Variants in KLHL2 observed in about 807,000 individuals in gnomAD.
The protein encoded by KLHL2 is kelch-like protein 2.
KLHL2 carries 15 observed loss-of-function variants against 75.8 expected under a neutral mutation model. That is an observed-to-expected ratio of 0.20 (90% CI 0.13 to 0.30). The LOEUF is 0.30. Ranked by LOEUF, KLHL2 falls within the 10% of genes least tolerant of loss-of-function variation. The pLI, the probability that KLHL2 is intolerant of heterozygous loss-of-function variation, is 1.00. For synonymous variants in KLHL2, 214 were observed against 251.9 expected, an observed-to-expected ratio of 0.85 and a Z score of 1.42; for missense variants, 381 against 741.0, an observed-to-expected ratio of 0.51 and a Z score of 5.64.
At chr4:165,244,565 A>G (rs190209938) in intron 4 of KLHL2, among the ~76,000 whole-genome samples, 89 of 152,352 alleles carry the variant, frequency 5.8e-4, no homozygotes, top group African/African-American at 2.1e-3. Context: ...AAAATATTTA[A>G]GACACCCTAT....
intron 5 of KLHL2, among the ~76,000 whole-genome samples, chr4:165,291,184 A>G (rs1348805724): frequency 6.6e-6 from 1 of 151,818 alleles, no homozygotes. Flanking sequence ...TGAGTTGTTT[A>G]TTTTCTTCTT....
chr4:165,239,985 C>CTA (rs967356338), intron 4 of KLHL2, among the ~76,000 whole-genome samples: 57 of 149,230 alleles, frequency 3.8e-4, no homozygotes, highest in Non-Finnish European at 5.4e-4. Flanking sequence ...TGTTAATCAG[C>CTA]TATATATATA....
At chr4:165,243,330 A>G (rs938832430) in intron 4 of KLHL2, among the ~76,000 whole-genome samples, 19 of 152,238 alleles carry the variant, frequency 1.2e-4, no homozygotes, top group African/African-American at 4.3e-4. Flanking sequence ...AAGTGTTACA[A>G]ACAAAGGTAA....
chr4:165,260,241 G>C (rs1341308419), intron 4 of KLHL2, among the ~76,000 whole-genome samples: 1 of 152,082 alleles, frequency 6.6e-6, no homozygotes, highest in Admixed American at 6.6e-5. Context: ...AATTTCAAAA[G>C]ATTTACTGAC....
intron 5 of KLHL2, among the ~76,000 whole-genome samples, chr4:165,274,950 T>C (rs1178553139): frequency 5.3e-5 from 8 of 152,152 alleles, no homozygotes; most frequent in Non-Finnish European, 1.0e-4. Context: ...AGCGTGGCAC[T>C]GGCAGTGACA....
intron 5 of KLHL2, among the ~76,000 whole-genome samples, chr4:165,293,749 C>A (rs1392529307): frequency 2.0e-5 from 3 of 150,848 alleles, no homozygotes; most frequent in Admixed American, 2.0e-4. Flanking sequence ...ATCTCCTGAC[C>A]TTGTGATCCG....
At chr4:165,244,738 A>G (rs1313810048) in intron 4 of KLHL2, among the ~76,000 whole-genome samples, 2 of 152,192 alleles carry the variant, frequency 1.3e-5, no homozygotes, top group African/African-American at 4.8e-5. Context: ...TTTAAATGCC[A>G]TGTGACCTTG....
chr4:165,265,555 T>C (rs1197294628), intron 5 of KLHL2, among the ~76,000 whole-genome samples: 2 of 152,096 alleles, frequency 1.3e-5, no homozygotes, highest in Non-Finnish European at 2.9e-5. Context: ...TTTTTATATA[T>C]GGTGAGAGAT....
In KLHL2 at chr4:165,318,047, G is replaced by T. The variant is rs139941562; in HGVS notation, c.1753+78G>T. The T allele has an allele frequency of 5.3e-6, 7 of 1,326,602 alleles. No individual in the cohort carries two copies. In the Admixed American group the frequency reaches 1.5e-4, roughly 28 times the overall value. The allele number at this position is 1,326,602 out of a possible 1,614,324, so 82.2% of individuals were successfully genotyped here. Reference sequence around the variant, plus strand: ...AATGTTATATTAACGAAGTTTTTCTGTTATAAGAATAAAGTCTTTTCTCAA... The same window carrying T: ...AATGTTATATTAACGAAGTTTTTCTTTTATAAGAATAAAGTCTTTTCTCAA... On this transcript the variant is annotated intron_variant, in intron 14 of 14. Coordinates refer to ENST00000226725, the MANE Select transcript of KLHL2 (RefSeq NM_007246.4).
chr4:165,215,213 C>T (rs1376819045), intron 1 of KLHL2, among the ~76,000 whole-genome samples: 2 of 152,146 alleles, frequency 1.3e-5, no homozygotes, highest in African/African-American at 2.4e-5. Flanking sequence ...AAACGTGTTT[C>T]CAACTGAGAA....
At chr4:165,276,802 A>ATT (rs1251561891) in intron 5 of KLHL2, among the ~76,000 whole-genome samples, 10 of 152,156 alleles carry the variant, frequency 6.6e-5, no homozygotes, top group African/African-American at 2.4e-4. Flanking sequence ...CTACTTAGGT[A>ATT]TTTAACTTTT....
intron 3 of KLHL2, among the ~76,000 whole-genome samples, chr4:165,231,242 G>A (rs976391461): frequency 2.6e-5 from 4 of 151,908 alleles, no homozygotes; most frequent in African/African-American, 7.3e-5. Context: ...TTGCTTGAGG[G>A]GTTCAAGACC....
At chr4:165,273,244 T>C (rs1019425257) in intron 5 of KLHL2, among the ~76,000 whole-genome samples, 1 of 152,210 alleles carries the variant, frequency 6.6e-6, no homozygotes, top group Non-Finnish European at 1.5e-5. Flanking sequence ...GTCTACAGCT[T>C]GAGGAATTTT....
In KLHL2 at chr4:165,319,033, A is replaced by G. The variant is rs572740773; in HGVS notation, c.1753+1064A>G. On this transcript the variant is annotated intron_variant, in intron 14 of 14. Coordinates refer to ENST00000226725, the MANE Select transcript of KLHL2 (RefSeq NM_007246.4). This position sits in a 1 kb window ranked among gnomAD's most constrained non-coding sequence, Gnocchi z 4.5. ...ACAAACCATAGATGGTGTCATTCAC[A>G]GTCCAGAGAAATGTGAACAAACCAC... is the stretch of plus-strand genomic sequence containing the variant. 1.2e-4 allele frequency among the ~76,000 whole-genome samples: 19 copies of G among 152,374 alleles called. No homozygotes were observed. Among genetic ancestry groups the G allele is most frequent in the African/African-American group, 4.3e-4 (18 of 41,584 alleles).
intron 8 of KLHL2, among the ~76,000 whole-genome samples, chr4:165,305,264 G>A (rs1389149924): frequency 6.6e-6 from 1 of 152,096 alleles, no homozygotes; most frequent in Non-Finnish European, 1.5e-5. Flanking sequence ...GCAAAAACCA[G>A]GATCTAGTTT....
chr4:165,244,816 G>A (rs1740119595), intron 4 of KLHL2, among the ~76,000 whole-genome samples: 1 of 152,200 alleles, frequency 6.6e-6, no homozygotes, highest in Non-Finnish European at 1.5e-5. Context: ...AGGCGTAGGA[G>A]CACTGACCTG....
intron 5 of KLHL2, among the ~76,000 whole-genome samples, chr4:165,288,996 T>C (rs1744304341): frequency 1.3e-5 from 2 of 152,102 alleles, no homozygotes; most frequent in South Asian, 4.1e-4. Context: ...CAAGAACATA[T>C]AAAATAACAG....
chr4:165,303,570 A>G (rs1284498773), intron 8 of KLHL2, among the ~76,000 whole-genome samples: 1 of 144,258 alleles, frequency 6.9e-6, no homozygotes, highest in East Asian at 2.1e-4. Context: ...TATTTTATTT[A>G]TTTATTTTTT....
intron 5 of KLHL2, among the ~76,000 whole-genome samples, chr4:165,292,571 C>A (rs6536902): frequency 0.47 from 71,617 of 151,766 alleles, 17,822 homozygotes; most frequent in African/African-American, 0.61. Flanking sequence ...GACCTCAGGT[C>A]ATCCGCCCAC....
Sources: gnomAD v4.1 joint callset for allele counts (sites outside exome capture counted in the v4.1 genomes callset) on GRCh38, gnomAD v4.1.1 for gene constraint, Gnocchi (gnomAD v3.1) non-coding constraint, MANE v1.5 for transcripts, NCBI Gene and HGNC (gene_info 2026-07-23, HGNC 2026-07-21) for gene names.